The following CSMD1 variants were observed in gnomAD, a reference collection of about 807,000 sequenced individuals.
CSMD1 encodes the protein CUB and Sushi multiple domains 1.
CSMD1 carries 213 observed loss-of-function variants against 417.5 expected under a neutral mutation model. The ratio of observed to expected loss-of-function variants is 0.51; its 90% CI spans 0.46 to 0.57. CSMD1 has a LOEUF of 0.57. Ranked by LOEUF, CSMD1 falls within the 20% of genes least tolerant of loss-of-function variation. The pLI is 0.00. For synonymous variants in CSMD1, 2,862 were observed against 1,736.8 expected, an observed-to-expected ratio of 1.65 and a Z score of -16.11; for missense variants, 6,923 against 4,529.7, an observed-to-expected ratio of 1.53 and a Z score of -15.17.
At chr8:4,691,360 C>T (rs1806757653) in intron 1 of CSMD1, among the ~76,000 whole-genome samples, 1 of 152,138 alleles carries the variant, frequency 6.6e-6, no homozygotes, top group Non-Finnish European at 1.5e-5. Context: ...AGTCACTGGG[C>T]CCACTCACCT....
At chr8:4,545,696 T>C (rs1451595571) in intron 2 of CSMD1, among the ~76,000 whole-genome samples, 1 of 152,170 alleles carries the variant, frequency 6.6e-6, no homozygotes, top group Non-Finnish European at 1.5e-5. Context: ...CTATTTTCTC[T>C]GTTAAAGCTG....
At chr8:4,956,990 T>G (rs1563865236) in intron 1 of CSMD1, among the ~76,000 whole-genome samples, 1 of 152,216 alleles carries the variant, frequency 6.6e-6, no homozygotes, top group Non-Finnish European at 1.5e-5. Context: ...GATTCTTGTG[T>G]CTGCTGAAGC....
At chr8:3,938,481 A>G (rs912700007) in intron 5 of CSMD1, among the ~76,000 whole-genome samples, 49 of 152,158 alleles carry the variant, frequency 3.2e-4, no homozygotes, top group Non-Finnish European at 6.8e-4. Context: ...TAAATTGAGT[A>G]CAGAGGATGG....
At chr8:3,955,604 T>C (rs1811887685) in intron 5 of CSMD1, among the ~76,000 whole-genome samples, 1 of 152,154 alleles carries the variant, frequency 6.6e-6, no homozygotes, top group East Asian at 1.9e-4. Context: ...CTGCTCCATT[T>C]TGTAGTATTG....
At chr8:4,102,868 G>A (rs979715480) in intron 3 of CSMD1, among the ~76,000 whole-genome samples, 13 of 152,122 alleles carry the variant, frequency 8.5e-5, no homozygotes, top group South Asian at 2.1e-4. Context: ...GAGAACCAGC[G>A]CCCTTACCTC....
intron 5 of CSMD1, among the ~76,000 whole-genome samples, chr8:3,872,644 T>G (rs1585121231): frequency 6.6e-6 from 1 of 152,146 alleles, no homozygotes; most frequent in African/African-American, 2.4e-5. Flanking sequence ...TTCTCTTAAT[T>G]TATTAATGAG....
At chr8:3,378,888 T>C (rs888468056) in intron 18 of CSMD1, among the ~76,000 whole-genome samples, 3 of 152,190 alleles carry the variant, frequency 2.0e-5, no homozygotes, top group African/African-American at 7.2e-5. Flanking sequence ...TATTGGAAGT[T>C]CTGGCCAGGG....
chr8:4,698,843 C>A (rs968141361), intron 1 of CSMD1, among the ~76,000 whole-genome samples: 3 of 151,352 alleles, frequency 2.0e-5, no homozygotes, highest in Non-Finnish European at 2.9e-5. Flanking sequence ...AAATCCTAAC[C>A]AATAGGGTTA....
intron 3 of CSMD1, among the ~76,000 whole-genome samples, chr8:4,094,684 G>C (rs1011689213): frequency 9.9e-5 from 15 of 152,256 alleles, no homozygotes; most frequent in Middle Eastern, 3.4e-3. Flanking sequence ...TTTACAGACG[G>C]AGAGGAAACG....
At chr8:3,387,438 G>C (rs1300007989) in intron 18 of CSMD1, 56 bp downstream of exon 18, 10 of 1,434,840 alleles carry the variant, frequency 7.0e-6, no homozygotes. Context: ...CTAGTTAGAC[G>C]TGTGCGCTGT....
At chr8:4,354,346 G>A (rs1295038066) in intron 3 of CSMD1, among the ~76,000 whole-genome samples, 2 of 152,100 alleles carry the variant, frequency 1.3e-5, no homozygotes, top group Non-Finnish European at 2.9e-5. Context: ...TTGAGGTTGG[G>A]AAACCATTCT....
At chr8:3,313,530 A>G (rs71256721) in intron 23 of CSMD1, among the ~76,000 whole-genome samples, 2 of 152,364 alleles carry the variant, frequency 1.3e-5, no homozygotes, top group African/African-American at 4.8e-5. Flanking sequence ...ATCACTGGCC[A>G]TCAGAGAAAT....
chr8:3,025,856 C>T (rs528988507), intron 51 of CSMD1, among the ~76,000 whole-genome samples: 13 of 152,100 alleles, frequency 8.5e-5, no homozygotes, highest in East Asian at 3.9e-4. Context: ...TAAATTAATA[C>T]GTAAAATTGT....
chr8:3,350,756 G>C (rs1475464843), intron 21 of CSMD1, among the ~76,000 whole-genome samples: 2 of 151,990 alleles, frequency 1.3e-5, no homozygotes, highest in South Asian at 2.1e-4. Context: ...GGACAAGAAA[G>C]AATAATTGAG....
intron 2 of CSMD1, among the ~76,000 whole-genome samples, chr8:4,530,149 G>A (rs1433282985): frequency 1.3e-5 from 2 of 151,644 alleles, no homozygotes; most frequent in Non-Finnish European, 2.9e-5. Flanking sequence ...TCCTGACCTT[G>A]TGATCTGCCC....
rs146884266 is a variant in CSMD1 at position 3,071,029 on chromosome 8, C to G, written c.7474+16068G>C. ...ATGGCAGAAGGCCAAGGGGGAATAACCATGTCACACTGTCACAGGGCCAGA... is the reference window on the plus strand; with the variant it reads ...ATGGCAGAAGGCCAAGGGGGAATAAGCATGTCACACTGTCACAGGGCCAGA... On this transcript the variant is annotated intron_variant, in intron 49 of 69. Coordinates refer to ENST00000635120, the MANE Select transcript of CSMD1 (RefSeq NM_033225.6). Among the ~76,000 whole-genome samples, 1,119 of 152,302 alleles carry G rather than the reference C, an allele frequency of 7.3e-3. 15 individuals carry two copies. The highest frequency in any genetic ancestry group is 0.025 in the African/African-American group (1,048 of 41,566).
chr8:4,440,817 C>G (rs1457421451), intron 2 of CSMD1, among the ~76,000 whole-genome samples: 2 of 151,956 alleles, frequency 1.3e-5, no homozygotes, highest in Admixed American at 1.3e-4. Flanking sequence ...CTAACATGCT[C>G]AAACCTCCTC....
intron 10 of CSMD1, among the ~76,000 whole-genome samples, chr8:3,537,254 T>C (rs1434306112): frequency 6.6e-6 from 1 of 152,148 alleles, no homozygotes; most frequent in Non-Finnish European, 1.5e-5. Flanking sequence ...CCACCTGCCT[T>C]GGCCTCCCAA....
Position 3,241,803 on chromosome 8 carries a change from C to G in CSMD1, c.4154-11572G>C, listed in dbSNP as rs554057512. Among the ~76,000 whole-genome samples, 8 of 152,206 alleles carry G rather than the reference C, an allele frequency of 5.3e-5. No homozygotes were observed. The East Asian group carries it at 7.7e-4, about 15-fold the overall frequency. ...TCACAGTGGAGGCAAGGAACTGCAA[C>G]TTAGAAATATGTTGCTTCTTGGCTG... On this transcript the variant is annotated intron_variant, in intron 26 of 69. Transcript: ENST00000635120.
Sources: allele counts gnomAD v4.1 joint callset (sites outside exome capture counted in the v4.1 genomes callset), GRCh38; gene constraint gnomAD v4.1.1; transcripts MANE v1.5; gene names NCBI Gene and HGNC (gene_info 2026-07-23, HGNC 2026-07-21).